SDK1: variants seen among roughly 807,000 people sequenced by gnomAD.
SDK1 encodes protein sidekick-1.
In SDK1, 157 loss-of-function variants were observed where a neutral mutation model predicts 245.5. The ratio of observed to expected loss-of-function variants is 0.64; its 90% CI spans 0.56 to 0.73. The LOEUF (loss-of-function observed/expected upper bound fraction) is 0.73, where lower values mean the gene tolerates loss of function less well. Ranked by LOEUF, SDK1 falls within the 30% of genes least tolerant of loss-of-function variation. SDK1 has a pLI of 0.00. For missense variants in SDK1, 3,583 were observed against 3,002.3 expected, an observed-to-expected ratio of 1.19 and a Z score of -4.52; for synonymous variants, 1,647 against 1,278.5, an observed-to-expected ratio of 1.29 and a Z score of -6.15.
intron 1 of SDK1, among the ~76,000 whole-genome samples, chr7:3,385,487 C>T (rs1322183688): frequency 6.6e-6 from 1 of 151,752 alleles, no homozygotes; most frequent in Non-Finnish European, 1.5e-5. Flanking sequence ...TGTTTAAAAA[C>T]TTCCATCCTT....
In SDK1 at chr7:3,889,941, C is replaced by T. The variant is rs768637845; in HGVS notation, c.848-60982C>T. The stretch of plus-strand genomic sequence containing the variant: ...GAACCTTCCAGGAAACTCCCCGCTC[C>T]TCCTCCTCACTTTTGTGTAAGTTAA... On this transcript the variant is annotated intron_variant, in intron 5 of 44. Coordinates refer to ENST00000404826, the MANE Select transcript of SDK1 (RefSeq NM_152744.4). Among the ~76,000 whole-genome samples the T allele has an allele frequency of 1.3e-3, 202 of 152,222 alleles. 1 individual carries two copies. The highest frequency in any genetic ancestry group is 1.7e-3 in the Admixed American group (26 of 15,286).
At chr7:4,209,073 C>G (rs1584450693) in intron 37 of SDK1, among the ~76,000 whole-genome samples, 1 of 152,208 alleles carries the variant, frequency 6.6e-6, no homozygotes, top group Non-Finnish European at 1.5e-5. Flanking sequence ...AGACAATGGA[C>G]TCCGGGAATC....
At chr7:3,614,840 C>G (rs1012831606) in intron 1 of SDK1, among the ~76,000 whole-genome samples, 3 of 143,930 alleles carry the variant, frequency 2.1e-5, no homozygotes, top group African/African-American at 4.9e-5. Context: ...AGTGTCTGTG[C>G]TAACCATAAT....
At chr7:3,910,871 G>T (rs55687143) in intron 5 of SDK1, among the ~76,000 whole-genome samples, 1 of 152,298 alleles carries the variant, frequency 6.6e-6, no homozygotes, top group South Asian at 2.1e-4. Context: ...TCGGCATTCT[G>T]TTGTATCCCA....
chr7:3,673,510 A>G (rs999013437), intron 4 of SDK1, among the ~76,000 whole-genome samples: 1 of 152,250 alleles, frequency 6.6e-6, no homozygotes, highest in Non-Finnish European at 1.5e-5. Flanking sequence ...AAACATGGAA[A>G]AATAAAAGTA....
At chr7:3,806,654 A>G (rs1779256778) in intron 4 of SDK1, among the ~76,000 whole-genome samples, 2 of 152,232 alleles carry the variant, frequency 1.3e-5, no homozygotes, top group Admixed American at 6.5e-5. Context: ...GAGAAATGTG[A>G]CGAGGACTAA....
intron 1 of SDK1, among the ~76,000 whole-genome samples, chr7:3,351,252 A>G (rs1238235867): frequency 6.6e-6 from 1 of 152,186 alleles, no homozygotes. Flanking sequence ...AACTAGAAGC[A>G]TGAGAATTTA....
intron 43 of SDK1, among the ~76,000 whole-genome samples, chr7:4,245,435 C>G (rs1343555525): frequency 1.3e-5 from 2 of 152,226 alleles, no homozygotes; most frequent in Non-Finnish European, 2.9e-5. Context: ...CAGACCAGCT[C>G]TTCCTCCATG....
intron 5 of SDK1, among the ~76,000 whole-genome samples, chr7:3,900,778 CTCGTT>C (rs1242657857): frequency 1.3e-5 from 2 of 152,234 alleles, no homozygotes; most frequent in Non-Finnish European, 2.9e-5. Context: ...CTGTCACACA[CTCGTT>C]TTAGACTGAC....
intron 14 of SDK1, among the ~76,000 whole-genome samples, chr7:4,005,019 T>G (rs1462627986): frequency 1.3e-5 from 2 of 150,132 alleles, no homozygotes; most frequent in East Asian, 3.9e-4. Flanking sequence ...GTAATTCTGG[T>G]GTTTAATTGG....
intron 22 of SDK1, among the ~76,000 whole-genome samples, chr7:4,096,472 G>A (rs1226468811): frequency 6.6e-6 from 1 of 152,124 alleles, no homozygotes. Flanking sequence ...CAGAGGCTAG[G>A]GGCCAACTAT....
chr7:3,859,398 A>G (rs1780631799), intron 5 of SDK1, among the ~76,000 whole-genome samples: 1 of 151,774 alleles, frequency 6.6e-6, no homozygotes. Context: ...GGCACTTTGA[A>G]CTTCAGTAAC....
intron 4 of SDK1, among the ~76,000 whole-genome samples, chr7:3,779,938 C>CAAAAAA (rs34979965): frequency 6.4e-5 from 3 of 46,632 alleles, no homozygotes; most frequent in Admixed American, 2.1e-4. Flanking sequence ...GACTCCGTCT[C>CAAAAAA]AAAAAAAAAA....
chr7:3,321,826 TTC>T (rs1779820249), intron 1 of SDK1, among the ~76,000 whole-genome samples: 3 of 135,706 alleles, frequency 2.2e-5, no homozygotes, highest in Non-Finnish European at 4.7e-5. Flanking sequence ...CCTTCCTTCC[TTC>T]CTCCTTTTCT....
intron 4 of SDK1, among the ~76,000 whole-genome samples, chr7:3,778,583 G>C (rs114228755): frequency 1.3e-5 from 2 of 152,204 alleles, no homozygotes; most frequent in African/African-American, 4.8e-5. Flanking sequence ...GACAGCATAA[G>C]TGTATGTTTT....
intron 1 of SDK1, among the ~76,000 whole-genome samples, chr7:3,467,474 A>G (rs1781045490): frequency 6.6e-6 from 1 of 152,072 alleles, no homozygotes; most frequent in African/African-American, 2.4e-5. Flanking sequence ...CCAATAACCC[A>G]GTAAAACAGG....
At chr7:3,896,197 C>T (rs905879771) in intron 5 of SDK1, among the ~76,000 whole-genome samples, 1 of 152,146 alleles carries the variant, frequency 6.6e-6, no homozygotes, top group Non-Finnish European at 1.5e-5. Context: ...CACATATTGA[C>T]CATTTCTGCT....
chr7:3,634,665 A>G (rs1321856037), intron 2 of SDK1, among the ~76,000 whole-genome samples: 1 of 152,244 alleles, frequency 6.6e-6, no homozygotes, highest in African/African-American at 2.4e-5. Context: ...CAATAGACTT[A>G]CAATGAATAT....
At position 4,267,543 on chromosome 7, in the gene SDK1, G is replaced by A. The variant is rs1194581206; in HGVS notation, c.*2159G>A. On this transcript the variant is annotated 3_prime_UTR_variant, in exon 45 of 45. Coordinates refer to ENST00000404826, the MANE Select transcript of SDK1 (RefSeq NM_152744.4). ...GCGGGAAGCCAGGATGTGAGCACTG[G>A]AATTTCTTGGAAGAGAAGCGATAAA... The A allele has an allele frequency of 6.1e-6, 6 of 985,374 alleles. No homozygotes were observed. The African/African-American group carries it at 7.0e-5, about 11-fold the overall frequency. 61.0% of individuals were successfully genotyped at this position (985,374 alleles called of 1,614,324 possible). A position where few individuals can be genotyped will look rare whatever the true frequency, so the allele number is the denominator to read the frequency against.
Sources: gnomAD v4.1 joint callset for allele counts (sites outside exome capture counted in the v4.1 genomes callset) on GRCh38, gnomAD v4.1.1 for gene constraint, MANE v1.5 for transcripts, NCBI Gene and HGNC (gene_info 2026-07-23, HGNC 2026-07-21) for gene names.